STAU1: variants seen among roughly 807,000 people sequenced by gnomAD.
STAU1 encodes staufen double-stranded RNA binding protein 1, also known as double-stranded RNA-binding protein Staufen homolog 1.
In STAU1, 13 loss-of-function variants were observed where a neutral mutation model predicts 62.9. The observed-to-expected ratio is 0.21, with a 90% CI of 0.13 to 0.33. The LOEUF is 0.33. Among genes scored for constraint, STAU1 ranks in the 10% least tolerant of loss-of-function variants. The pLI is 1.00. For missense variants in STAU1, 571 were observed against 712.1 expected (o/e 0.80, Z 2.25); for synonymous variants, 269 against 265.1 (o/e 1.01, Z -0.14).
At chr20:49,206,424 T>C in the STAU1 span, among the ~76,000 whole-genome samples, 10 of 140,168 alleles carry the variant, frequency 7.1e-5, no homozygotes. Context: ...GTTTTTTTTT[T>C]TTTTTTTTTT....
chr20:49,190,577 C>G (rs1214694354), upstream of STAU1, among the ~76,000 whole-genome samples: 2 of 152,108 alleles, frequency 1.3e-5, no homozygotes, highest in African/African-American at 4.8e-5. Context: ...TTCCAAAGTA[C>G]TGGGGGGATT....
intron 3 of STAU1, among the ~76,000 whole-genome samples, chr20:49,161,508 T>C (rs963956772): frequency 1.1e-4 from 16 of 152,100 alleles, no homozygotes; most frequent in African/African-American, 3.6e-4. Flanking sequence ...GTATAAAAAA[T>C]AGAGAACATT....
chr20:49,196,444 C>CAAAAAAA, the STAU1 span, among the ~76,000 whole-genome samples: 12 of 91,540 alleles, frequency 1.3e-4, no homozygotes, highest in African/African-American at 3.8e-4. Context: ...CAAAACAAAA[C>CAAAAAAA]AAAAAAAAAA....
the STAU1 span, among the ~76,000 whole-genome samples, chr20:49,214,513 G>A: frequency 2.0e-4 from 9 of 45,788 alleles, no homozygotes; most frequent in Non-Finnish European, 3.2e-4. Context: ...GTGAGATTCC[G>A]TCTCAAAAAA....
At chr20:49,145,253 A>G (rs954659326) in intron 5 of STAU1, among the ~76,000 whole-genome samples, 22 of 146,612 alleles carry the variant, frequency 1.5e-4, no homozygotes, top group African/African-American at 2.5e-4. Flanking sequence ...GTGAAACCCC[A>G]TCTCTACTAA....
intron 1 of STAU1, among the ~76,000 whole-genome samples, chr20:49,187,641 G>C (rs554286226): frequency 6.6e-6 from 1 of 152,236 alleles, no homozygotes; most frequent in South Asian, 2.1e-4. Context: ...GACTTTTTAA[G>C]TGTCTTGCCT....
intron 5 of STAU1, among the ~76,000 whole-genome samples, chr20:49,138,275 G>A (rs770991274): frequency 4.6e-5 from 7 of 151,944 alleles, no homozygotes; most frequent in Admixed American, 3.3e-4. Flanking sequence ...GTGTGAGACC[G>A]TGTCACACCC....
chr20:49,166,102 T>G lies in STAU1; in HGVS notation c.100A>C (p.Ser34Arg). The G allele has an allele frequency of 1.2e-6, 2 of 1,614,208 alleles. No homozygotes were observed. Among genetic ancestry groups the G allele is most frequent in the Non-Finnish European group, 1.7e-6 (2 of 1,180,040 alleles). The part of the protein sequence containing the change: ...NQSLLSQPLM[S>R]IPSTTSSLPS... The stretch of plus-strand genomic sequence containing the variant: ...AGAGAGCTAGTAGTAGAAGGAATAC[T>G]CATCAAAGGCTGTGAGAGAAGAGAC... The change falls in exon 3 of 14, where the codon AGT becomes CGT. Residue 34 changes from serine (S) to arginine (R), a missense_variant. Ser to Arg is a moderately radical substitution (Grantham distance 110). This residue lies in a region of STAU1 where 414 missense variants were observed against 499.6 expected (regional missense o/e 0.83). Transcript: ENST00000371856.
At chr20:49,201,071 A>AAAAAAAAAAAAAAAAAAAAAAAAAAG in the STAU1 span, among the ~76,000 whole-genome samples, 1 of 104,566 alleles carries the variant, frequency 9.6e-6, no homozygotes, top group Non-Finnish European at 2.0e-5. Context: ...AAAAAAAAAA[A>AAAAAAAAAAAAAAAAAAAAAAAAAAG]AAGAAGAAGA....
At chr20:49,210,459 T>C in the STAU1 span, 5 of 455,860 alleles carry the variant, frequency 1.1e-5, no homozygotes, top group African/African-American at 8.0e-5. Context: ...TTCTTCCTCC[T>C]CTTCTCTCTC....
At chr20:49,206,501 GC>G in the STAU1 span, among the ~76,000 whole-genome samples, 1 of 127,082 alleles carries the variant, frequency 7.9e-6, no homozygotes, top group Non-Finnish European at 1.6e-5. Flanking sequence ...GGGCCACCGT[GC>G]CCGGCCATCT....
chr20:49,145,702 C>T (rs910105673), intron 5 of STAU1, among the ~76,000 whole-genome samples: 4 of 151,844 alleles, frequency 2.6e-5, no homozygotes, highest in Non-Finnish European at 4.4e-5. Context: ...TGCACTGCAG[C>T]CTGGCAACAG....
chr20:49,115,691 T>G, intron 13 of STAU1, 91 bp downstream of exon 13: 1 of 1,134,824 alleles, frequency 8.8e-7, no homozygotes, highest in Admixed American at 1.8e-5. Context: ...GGCAAATATT[T>G]CCCCGCTGAG....
intron 9 of STAU1, among the ~76,000 whole-genome samples, chr20:49,119,146 G>A (rs1160080672): frequency 6.6e-6 from 1 of 152,158 alleles, no homozygotes; most frequent in Non-Finnish European, 1.5e-5. Flanking sequence ...CTTTTGCTGA[G>A]GTCCTGCTTA....
At chr20:49,154,156 G>C (rs2093317170) in intron 3 of STAU1, 85 bp from the exon 4 acceptor site, 33 of 1,373,668 alleles carry the variant, frequency 2.4e-5, no homozygotes, top group Non-Finnish European at 3.2e-5. Context: ...CATGCTTTCT[G>C]CTAATTGGAT....
At chr20:49,181,644 TAGTCTCA>T (rs1173092458) in intron 1 of STAU1, among the ~76,000 whole-genome samples, 2 of 151,876 alleles carry the variant, frequency 1.3e-5, no homozygotes, top group Non-Finnish European at 2.9e-5. Context: ...TGCTCAATTG[TAGTCTCA>T]GCTACTCGGG....
chr20:49,124,791 A>G (rs1258433379), intron 6 of STAU1, among the ~76,000 whole-genome samples: 1 of 152,190 alleles, frequency 6.6e-6, no homozygotes, highest in Non-Finnish European at 1.5e-5. Flanking sequence ...GAGTCTGGTG[A>G]GTCCCAAACA....
chr20:49,119,943 G>A (rs763330403), intron 9 of STAU1, 39 bp downstream of exon 9: 5 of 1,602,678 alleles, frequency 3.1e-6, no homozygotes, highest in African/African-American at 1.3e-5. Context: ...AGGGTGAGGC[G>A]AGAGACCATC....
At chr20:49,210,289 A>G in the STAU1 span, among the ~76,000 whole-genome samples, 1 of 151,910 alleles carries the variant, frequency 6.6e-6, no homozygotes, top group Non-Finnish European at 1.5e-5. Context: ...GACACTACAT[A>G]TCTGGAAATG....
Sources: gnomAD v4.1 joint callset for allele counts (sites outside exome capture counted in the v4.1 genomes callset) on GRCh38, gnomAD v4.1.1 for gene constraint, gnomAD v4.1.1 regional missense constraint, MANE v1.5 for transcripts, NCBI Gene and HGNC (gene_info 2026-07-23, HGNC 2026-07-21) for gene names.